The following TNC variants were observed in gnomAD, a reference collection of about 807,000 sequenced individuals.
TNC encodes tenascin C.
Under a neutral mutation model 202.4 loss-of-function variants are expected in TNC, and 109 were observed. The ratio of observed to expected loss-of-function variants is 0.54; its 90% CI spans 0.46 to 0.63. The LOEUF is 0.63. Ranked by LOEUF, TNC falls within the 30% of genes least tolerant of loss-of-function variation. TNC has a pLI of 0.00. For synonymous variants in TNC, 1,007 were observed against 1,089.7 expected (o/e 0.92, Z 1.50); for missense variants, 2,756 against 2,833.3 (o/e 0.97, Z 0.62).
chr9:115,049,349 C>T (rs1831465678), intron 15 of TNC, among the ~76,000 whole-genome samples: 1 of 152,128 alleles, frequency 6.6e-6, no homozygotes, highest in South Asian at 2.1e-4. Flanking sequence ...TACTTGCCAA[C>T]TGACAAGGCT....
chr9:115,075,163 G>A (rs959802666), intron 9 of TNC, among the ~76,000 whole-genome samples: 2 of 152,050 alleles, frequency 1.3e-5, no homozygotes, highest in Admixed American at 6.6e-5. Flanking sequence ...AGAGGCAGAG[G>A]AGGAGTTTTC....
chr9:115,056,360 G>C (rs1832122201), intron 15 of TNC, among the ~76,000 whole-genome samples: 1 of 152,050 alleles, frequency 6.6e-6, no homozygotes, highest in Non-Finnish European at 1.5e-5. Flanking sequence ...CATTAGAAAG[G>C]GGGGCTCCCC....
intron 1 of TNC, among the ~76,000 whole-genome samples, chr9:115,096,398 C>T (rs1835794715): frequency 6.6e-6 from 1 of 152,294 alleles, no homozygotes; most frequent in African/African-American, 2.4e-5. Context: ...GCCCATGGGG[C>T]TTGTGGTTAC....
At chr9:115,047,024 C>T (rs1323192599) in intron 16 of TNC, among the ~76,000 whole-genome samples, 1 of 152,156 alleles carries the variant, frequency 6.6e-6, no homozygotes, top group Non-Finnish European at 1.5e-5. Context: ...TACATTTGCT[C>T]TCTGTCTTCC....
At chr9:115,083,766 G>A (rs1023997882) in intron 4 of TNC, among the ~76,000 whole-genome samples, 2 of 152,016 alleles carry the variant, frequency 1.3e-5, no homozygotes, top group Non-Finnish European at 2.9e-5. Context: ...CACCAGGCCC[G>A]ACTAATTTTT....
intron 9 of TNC, 84 bp downstream of exon 9, chr9:115,075,948 C>T: frequency 8.1e-7 from 1 of 1,239,894 alleles, no homozygotes; most frequent in Non-Finnish European, 1.2e-6. Flanking sequence ...TACTTTTTCT[C>T]TTTAAATAGG....
Position 115,020,704 on chromosome 9 carries a change from G to A in TNC, c.*453C>T, listed in dbSNP as rs933893637. The A allele has an allele frequency of 6.1e-6, 2 of 327,122 alleles. No homozygotes were observed. Among genetic ancestry groups the A allele is most frequent in the Non-Finnish European group, 1.2e-5 (2 of 165,776 alleles). The allele number at this position is 327,122 out of a possible 1,614,324, so 20.3% of individuals were successfully genotyped here. A position where few individuals can be genotyped will look rare whatever the true frequency, so the allele number is the denominator to read the frequency against. ...AAAATGGAAACAGTATTGCTTTTCT[G>A]GTTTCTGTTGTATGAAATGTAAAAA... On this transcript the variant is annotated 3_prime_UTR_variant, in exon 28 of 28. Coordinates refer to ENST00000350763, the MANE Select transcript of TNC (RefSeq NM_002160.4).
Position 115,063,982 on chromosome 9 carries a change from A to G in TNC, c.3574T>C (p.Tyr1192His). ...KLNWTAPEGA[Y>H]EYFFIQVQEA... is the part of the protein sequence containing the mutation. The stretch of plus-strand genomic sequence containing the variant: ...TGCACCTGAATGAAAAAGTACTCAT[A>G]GGCCCCTTCTGGAGCAGTCCAGTTG... Residue 1192 changes from tyrosine to histidine, a missense_variant, in exon 12 of 28, where the codon TAT (tyrosine) becomes CAT (histidine). By Grantham distance (83) the Tyr-to-His change is moderately conservative. Around this residue, in one of 2 missense-constraint regions of TNC, gnomAD observed 2,559 missense variants for 2,546.0 expected, o/e 1.01. Transcript: ENST00000350763. The G allele has an allele frequency of 6.2e-7, 1 of 1,614,160 alleles. No individual in the cohort carries two copies. Among genetic ancestry groups the G allele is most frequent in the Non-Finnish European group, 8.5e-7 (1 of 1,180,026 alleles).
intron 4 of TNC, among the ~76,000 whole-genome samples, chr9:115,083,226 G>A (rs1834440785): frequency 6.6e-6 from 1 of 152,150 alleles, no homozygotes; most frequent in Non-Finnish European, 1.5e-5. Flanking sequence ...CCAGTGTGTA[G>A]ACTGCTGGGC....
intron 1 of TNC, among the ~76,000 whole-genome samples, chr9:115,106,390 G>A (rs920389966): frequency 3.9e-5 from 6 of 152,178 alleles, no homozygotes; most frequent in African/African-American, 1.4e-4. Flanking sequence ...CATTGTTCAA[G>A]TTAAAGAATT....
chr9:115,048,397 G>A lies in TNC; in HGVS notation c.4715C>T (p.Pro1572Leu). The change falls in exon 16 of 28, where the codon CCC becomes CTC. Residue 1572 changes from proline (P) to leucine (L), a missense_variant. By Grantham distance (98) the Pro-to-Leu change is moderately conservative. This residue lies in a region of TNC where 2,559 missense variants were observed against 2,546.0 expected (regional missense o/e 1.01). Transcript: ENST00000350763. ...TVVDSGKLLD[P>L]QEFTLSGTQR... The stretch of plus-strand genomic sequence containing the variant: ...GGTTCCTGAAAGTGTGAATTCCTGG[G>A]GGTCCAGCAGCTTCCCAGAATCCAC... The A allele has an allele frequency of 6.2e-7, 1 of 1,614,028 alleles. No homozygotes were observed. The highest frequency in any genetic ancestry group is 8.5e-7 in the Non-Finnish European group (1 of 1,179,972).
intron 15 of TNC, among the ~76,000 whole-genome samples, chr9:115,049,148 G>C (rs1269640829): frequency 6.6e-6 from 1 of 152,036 alleles, no homozygotes; most frequent in African/African-American, 2.4e-5. Context: ...ATCTTTTGCT[G>C]TTTATTTTCC....
At position 115,076,228 on chromosome 9, in the gene TNC, G is replaced by A. The variant is rs558381547; in HGVS notation, c.2861-107C>T. The A allele has an allele frequency of 6.9e-5, 98 of 1,426,068 alleles. No individual in the cohort carries two copies. The African/African-American group carries it at 9.9e-4, about 14-fold the overall frequency. 88.3% of individuals were successfully genotyped at this position (1,426,068 alleles called of 1,614,324 possible). A position where few individuals can be genotyped will look rare whatever the true frequency, so the allele number is the denominator to read the frequency against. ...TCTCTGGAGGCTACAACAAATTTTC[G>A]GAATGTTTTACAAAAGAACTCACTG... On this transcript the variant is annotated intron_variant, in intron 8 of 27. Transcript: ENST00000350763.
chr9:115,086,469 C>T lies in TNC; in HGVS notation c.1262G>A (p.Gly421Glu). ...GCSGHGRCVN[G>E]QCVCDEGYTG... ...ATAGCCCTCATCACACACACACTGCCCATTGACACAGCGGCCATGGCCACT... is the reference window on the plus strand; with the variant it reads ...ATAGCCCTCATCACACACACACTGCTCATTGACACAGCGGCCATGGCCACT... Residue 421 changes from glycine (G) to glutamate (E), a missense_variant, in exon 3 of 28, where the codon GGG (glycine) becomes GAG (glutamate). This residue lies in a region of TNC where 2,559 missense variants were observed against 2,546.0 expected (regional missense o/e 1.01). Coordinates refer to ENST00000350763, the MANE Select transcript of TNC (RefSeq NM_002160.4). 1 of 1,613,836 alleles carries T rather than the reference C, an allele frequency of 6.2e-7. No homozygotes were observed. The highest frequency in any genetic ancestry group is 8.5e-7 in the Non-Finnish European group (1 of 1,180,008).
chr9:115,045,204 T>C (rs1831081857), intron 17 of TNC, among the ~76,000 whole-genome samples: 1 of 152,180 alleles, frequency 6.6e-6, no homozygotes, highest in Non-Finnish European at 1.5e-5. Flanking sequence ...TGTCCCCTGG[T>C]TCCCTTTGAA....
intron 27 of TNC, among the ~76,000 whole-genome samples, chr9:115,021,699 GGTTTGGTATGGA>G (rs1829084241): frequency 6.6e-6 from 1 of 152,102 alleles, no homozygotes; most frequent in African/African-American, 2.4e-5. Flanking sequence ...TTTTGATAGG[GGTTTGGTATGGA>G]ATAGCAGAAC....
chr9:115,093,227 C>T (rs148412086), intron 1 of TNC, among the ~76,000 whole-genome samples: 3 of 152,098 alleles, frequency 2.0e-5, no homozygotes, highest in South Asian at 2.1e-4. Context: ...CTAAGAAGGT[C>T]GTATCCACAT....
At chr9:115,042,765 T>C (rs531008414) in intron 17 of TNC, among the ~76,000 whole-genome samples, 4 of 152,340 alleles carry the variant, frequency 2.6e-5, no homozygotes, top group African/African-American at 9.6e-5. Flanking sequence ...TTAATCCTCC[T>C]GTAGAAGCCC....
intron 1 of TNC, among the ~76,000 whole-genome samples, chr9:115,104,684 TCTC>T (rs1405774890): frequency 6.6e-6 from 1 of 152,190 alleles, no homozygotes; most frequent in Non-Finnish European, 1.5e-5. Context: ...TAGTATATCT[TCTC>T]CTCTTCTTTC....
Sources: allele counts gnomAD v4.1 joint callset (sites outside exome capture counted in the v4.1 genomes callset), GRCh38; gene constraint gnomAD v4.1.1; regional missense constraint gnomAD v4.1.1; transcripts MANE v1.5; gene names NCBI Gene and HGNC (gene_info 2026-07-23, HGNC 2026-07-21).